Variants in ABHD14B observed in about 807,000 individuals in gnomAD.
The protein encoded by ABHD14B is putative protein-lysine deacylase ABHD14B.
In ABHD14B, 19 loss-of-function variants were observed where a neutral mutation model predicts 15.4. The ratio of observed to expected loss-of-function variants is 1.23; its 90% CI spans 0.86 to 1.81. ABHD14B has a LOEUF of 1.81. Ranked by LOEUF, ABHD14B falls within the 40% of genes most tolerant of loss-of-function variation. The pLI, the probability that ABHD14B is intolerant of heterozygous loss-of-function variation, is 0.00. For synonymous variants in ABHD14B, 92 were observed against 117.3 expected, an observed-to-expected ratio of 0.78 and a Z score of 1.39; for missense variants, 243 against 267.0, an observed-to-expected ratio of 0.91 and a Z score of 0.63.
intron 1 of ABHD14B, chr3:51,971,941 T>A: frequency 3.8e-6 from 3 of 780,686 alleles, no homozygotes; most frequent in Non-Finnish European, 5.2e-6. Context: ...GCAATTTAAT[T>A]AAAAGTTTAA....
Position 51,971,639 on chromosome 3 carries a change from G to A in ABHD14B, c.32C>T (p.Thr11Ile), listed in dbSNP as rs771815830. 3.1e-5 allele frequency: 50 copies of A among 1,612,506 alleles called. No homozygotes were observed. In the South Asian group the frequency reaches 4.3e-4, roughly 14 times the overall value. Residue 11 changes from threonine (T) to isoleucine (I), a missense_variant, in exon 2 of 4, where the codon ACC becomes ATC. Thr to Ile is a moderately conservative substitution (Grantham distance 89). Coordinates refer to ENST00000361143, the MANE Select transcript of ABHD14B (RefSeq NM_001146314.2). ...GAGGGCCTGGCCCTGCACCTGGATGGTGCCCTCGCGCTGCTCCACGCTTGC... is the reference window on the plus strand; with the variant it reads ...GAGGGCCTGGCCCTGCACCTGGATGATGCCCTCGCGCTGCTCCACGCTTGC... MAASVEQREG[T>I]IQVQGQALFF...
At chr3:51,972,617 GTAAAACCTCAA>G (rs139017343) in intron 1 of ABHD14B, among the ~76,000 whole-genome samples, 2,141 of 152,274 alleles carry the variant, frequency 0.014, 45 homozygotes, top group African/African-American at 0.049. Context: ...GGTGCCTGCT[GTAAAACCTCAA>G]TATGTGGTGG....
At chr3:51,969,834 T>C in intron 3 of ABHD14B, 109 bp downstream of exon 3, 1 of 1,590,770 alleles carries the variant, frequency 6.3e-7, no homozygotes, top group Non-Finnish European at 8.6e-7. Flanking sequence ...GGTGGTCAGC[T>C]CCTCCCAGAA....
In ABHD14B at chr3:51,971,555, T is replaced by C. The variant is rs868494633; in HGVS notation, c.116A>G (p.His39Arg). The change falls in exon 2 of 4, where the codon CAT becomes CGT. Residue 39 changes from histidine (H) to arginine (R), a missense_variant. By Grantham distance (29) the His-to-Arg change is conservative. Transcript: ENST00000361143. Reference sequence around the variant, plus strand: ...GGTCTCGGAGGAGAAGCGAATACCATGCAGCAGCAGTACAGAGAAGCGAGC... The same window carrying C: ...GGTCTCGGAGGAGAAGCGAATACCACGCAGCAGCAGTACAGAGAAGCGAGC... ...GQARFSVLLL[H>R]GIRFSSETWQ... The C allele has an allele frequency of 1.9e-6, 3 of 1,613,614 alleles. No homozygotes were observed. Among genetic ancestry groups the C allele is most frequent in the Middle Eastern group, 1.7e-4 (1 of 6,060 alleles).
intron 1 of ABHD14B, 78 bp from the exon 2 acceptor site, chr3:51,971,776 A>T: frequency 1.3e-6 from 2 of 1,487,590 alleles, no homozygotes; most frequent in Non-Finnish European, 1.8e-6. Context: ...GCAGCAAGGA[A>T]GCCTCCAGGA....
Position 51,971,331 on chromosome 3 carries a change from C to A in ABHD14B, c.211+129G>T, listed in dbSNP as rs902812037. 5 of 1,131,406 alleles carry A rather than the reference C, an allele frequency of 4.4e-6. No homozygotes were observed. The East Asian group carries it at 1.3e-4, about 30-fold the overall frequency. 70.1% of individuals were successfully genotyped at this position (1,131,406 alleles called of 1,614,324 possible). ...AAACGCTGTCAAGTTCAGGGCCCAG[C>A]CTGGCTGGGTCCTCCAGATCCCACC... On this transcript the variant is annotated intron_variant, in intron 2 of 3. Coordinates refer to ENST00000361143, the MANE Select transcript of ABHD14B (RefSeq NM_001146314.2).
In ABHD14B at chr3:51,971,445, C is replaced by T; in HGVS notation, c.211+15G>A. On this transcript the variant is annotated intron_variant, in intron 2 of 3. Transcript: ENST00000361143. ...ACCTCCCCAAACCCTGCCCAGAAGCCTGCCCCTTAAGTACCTGGCAGGTCA... is the reference window on the plus strand; with the variant it reads ...ACCTCCCCAAACCCTGCCCAGAAGCTTGCCCCTTAAGTACCTGGCAGGTCA... 2 of 1,552,668 alleles carry T rather than the reference C, an allele frequency of 1.3e-6. No homozygotes were observed.
chr3:51,971,344 T>C (rs536533982), intron 2 of ABHD14B, 116 bp downstream of exon 2: 2 of 1,279,464 alleles, frequency 1.6e-6, no homozygotes, highest in South Asian at 3.6e-5. Flanking sequence ...GGCTGGGTCC[T>C]CCAGATCCCA....
chr3:51,970,993 C>T (rs1403811021), intron 2 of ABHD14B, among the ~76,000 whole-genome samples: 2 of 152,196 alleles, frequency 1.3e-5, no homozygotes, highest in Non-Finnish European at 2.9e-5. Context: ...GCCTTGTCCC[C>T]CAGAAGACTC....
At chr3:51,970,632 C>T in intron 2 of ABHD14B, 1 of 459,400 alleles carries the variant, frequency 2.2e-6, no homozygotes. Flanking sequence ...ACAAGAGAGG[C>T]TCCTGAAGGA....
chr3:51,971,403 G>A, intron 2 of ABHD14B, 57 bp downstream of exon 2: 1 of 1,464,380 alleles, frequency 6.8e-7, no homozygotes. Context: ...TAGGAACCTG[G>A]CCCTGTCCCT....
chr3:51,973,878 C>T (rs763243602), intron 1 of ABHD14B, 87 bp downstream of exon 1: 2 of 1,289,692 alleles, frequency 1.6e-6, no homozygotes, highest in Non-Finnish European at 2.0e-6. Context: ...AGGAGGGGAC[C>T]CAGGGATCCG....
chr3:51,971,616 G>A lies in ABHD14B; in HGVS notation c.55C>T (p.Leu19Phe). Residue 19 changes from leucine (L) to phenylalanine (F), a missense_variant, in exon 2 of 4, where the codon CTC becomes TTC. Coordinates refer to ENST00000361143, the MANE Select transcript of ABHD14B (RefSeq NM_001146314.2). ...CCGGGCAGGGCCTCTCGGAAGAAGA[G>A]GGCCTGGCCCTGCACCTGGATGGTG... Reference protein sequence around the residue: ...EGTIQVQGQALFFREALPGSG... With the variant: ...EGTIQVQGQAFFFREALPGSG... 6.2e-7 allele frequency: 1 copy of A among 1,613,344 alleles called. No homozygotes were observed.
At position 51,971,554 on chromosome 3, in the gene ABHD14B, A is replaced by G. The variant is rs771731888; in HGVS notation, c.117T>C (p.His39=). Residue 39 remains histidine (H), a synonymous_variant, in exon 2 of 4, where the codon CAT becomes CAC. Transcript: ENST00000361143. The stretch of plus-strand genomic sequence containing the variant: ...AGGTCTCGGAGGAGAAGCGAATACC[A>G]TGCAGCAGCAGTACAGAGAAGCGAG... ...GQARFSVLLL[H]GIRFSSETWQ... The G allele has an allele frequency of 6.2e-7, 1 of 1,613,574 alleles. No individual in the cohort carries two copies. Among genetic ancestry groups the G allele is most frequent in the African/African-American group, 1.3e-5 (1 of 75,012 alleles).
In ABHD14B at chr3:51,970,010, G is replaced by A. The variant is rs769965203; in HGVS notation, c.386C>T (p.Pro129Leu). Residue 129 changes from proline to leucine, a missense_variant, in exon 3 of 4, where the codon CCG (proline) becomes CTG (leucine). By Grantham distance (98) the Pro-to-Leu change is moderately conservative. Transcript: ENST00000361143. Reference sequence around the variant, plus strand: ...GATGGGGGCCACTGGCACAAAGCCCGGGAGCTGGGAGCCAGGGGCCGTGAG... The same window carrying A: ...GATGGGGGCCACTGGCACAAAGCCCAGGAGCTGGGAGCCAGGGGCCGTGAG... Reference protein sequence around the residue: ...PFLTAPGSQLPGFVPVAPICT... With the variant: ...PFLTAPGSQLLGFVPVAPICT... 5.5e-5 allele frequency: 88 copies of A among 1,614,066 alleles called. No individual in the cohort carries two copies. The highest frequency in any genetic ancestry group is 6.6e-5 in the Non-Finnish European group (78 of 1,180,036).
intron 1 of ABHD14B, among the ~76,000 whole-genome samples, chr3:51,973,522 T>C (rs528621905): frequency 0.034 from 5,101 of 149,882 alleles, 95 homozygotes; most frequent in Middle Eastern, 0.096. Flanking sequence ...TTTTTTTCTT[T>C]TTTTTTTTTT....
intron 2 of ABHD14B, 110 bp from the exon 3 acceptor site, chr3:51,970,294 G>A: frequency 1.4e-6 from 2 of 1,439,936 alleles, no homozygotes; most frequent in Non-Finnish European, 1.9e-6. Context: ...TCTGTGGCCA[G>A]GTTCCTGTAA....
At chr3:51,973,736 A>T in intron 1 of ABHD14B, 2 of 878,114 alleles carry the variant, frequency 2.3e-6, no homozygotes, top group Non-Finnish European at 3.2e-6. Flanking sequence ...CCCGCCGGGG[A>T]TGCGGGGTGC....
Position 51,971,535 on chromosome 3 carries a change from C to G in ABHD14B, c.136G>C (p.Glu46Gln). 10 of 1,613,504 alleles carry G rather than the reference C, an allele frequency of 6.2e-6. No individual in the cohort carries two copies. The African/African-American group carries it at 8.0e-5, about 13-fold the overall frequency. The stretch of plus-strand genomic sequence containing the variant: ...AGTGTACCCAGGTTCTGCCAGGTCT[C>G]GGAGGAGAAGCGAATACCATGCAGC... The part of the protein sequence containing the change: ...LLLHGIRFSS[E>Q]TWQNLGTLHR... The change falls in exon 2 of 4, where the codon GAG becomes CAG. Residue 46 changes from glutamate to glutamine, a missense_variant. Glu to Gln is a conservative substitution (Grantham distance 29, BLOSUM62 2). Transcript: ENST00000361143.
Sources: gnomAD v4.1 joint callset for allele counts (sites outside exome capture counted in the v4.1 genomes callset) on GRCh38, gnomAD v4.1.1 for gene constraint, MANE v1.5 for transcripts, NCBI Gene and HGNC (gene_info 2026-07-23, HGNC 2026-07-21) for gene names.